The following NAV2 variants were observed in gnomAD, a reference collection of about 807,000 sequenced individuals.
NAV2 encodes the protein helicase, APC down-regulated 1.
Under a neutral mutation model 223.2 loss-of-function variants are expected in NAV2, and 54 were observed. That is an observed-to-expected ratio of 0.24 (90% CI 0.19 to 0.30). NAV2 has a LOEUF of 0.30. Among genes scored for constraint, NAV2 ranks in the 10% least tolerant of loss-of-function variants. The pLI is 1.00. For synonymous variants in NAV2, 1,279 were observed against 1,239.3 expected, an observed-to-expected ratio of 1.03 and a Z score of -0.67; for missense variants, 2,806 against 3,147.5, an observed-to-expected ratio of 0.89 and a Z score of 2.60.
rs527698550 is a variant in NAV2, at chr11:19,826,142, T to A, written c.268-6342T>A. 9.2e-5 allele frequency among the ~76,000 whole-genome samples: 14 copies of A among 152,282 alleles called. No homozygotes were observed. In the South Asian group the frequency reaches 2.9e-3, roughly 32 times the overall value. On this transcript the variant is annotated intron_variant, in intron 1 of 37. Coordinates refer to ENST00000349880, the MANE Select transcript of NAV2 (RefSeq NM_145117.5). The stretch of plus-strand genomic sequence containing the variant: ...GTGAAATGACTTGATGATTTAGAAT[T>A]GGAATTGGGGATGGGATGGTGGTTT...
chr11:19,745,802 G>C (rs2053285289), intron 1 of NAV2, among the ~76,000 whole-genome samples: 1 of 152,152 alleles, frequency 6.6e-6, no homozygotes, highest in South Asian at 2.1e-4. Flanking sequence ...TGATCTGACA[G>C]GCAGAGCTCA....
intron 1 of NAV2, among the ~76,000 whole-genome samples, chr11:19,717,027 G>A (rs1467647513): frequency 5.3e-5 from 8 of 152,132 alleles, no homozygotes; most frequent in South Asian, 2.1e-4. Flanking sequence ...CCATGATATT[G>A]TACAGGGAGA....
intron 1 of NAV2, among the ~76,000 whole-genome samples, chr11:19,378,819 A>G (rs1382369991): frequency 2.0e-5 from 3 of 152,118 alleles, no homozygotes; most frequent in Non-Finnish European, 4.4e-5. Context: ...TGGGTCCACA[A>G]GGCAGGTCAT....
At chr11:20,055,676 G>A in intron 18 of NAV2, 93 bp from the exon 19 acceptor site, 1 of 1,143,254 alleles carries the variant, frequency 8.7e-7, no homozygotes, top group African/African-American at 1.5e-5. Flanking sequence ...AAACACATGT[G>A]GCTAAAAATA....
intron 1 of NAV2, among the ~76,000 whole-genome samples, chr11:19,373,425 A>G (rs1848537675): frequency 6.6e-6 from 1 of 152,094 alleles, no homozygotes; most frequent in African/African-American, 2.4e-5. Flanking sequence ...TGCTCCTTGA[A>G]TCTGCCAACA....
At chr11:19,819,395 G>T (rs555361631) in intron 1 of NAV2, among the ~76,000 whole-genome samples, 1 of 152,186 alleles carries the variant, frequency 6.6e-6, no homozygotes, top group Non-Finnish European at 1.5e-5. Flanking sequence ...AGAGGGCAGC[G>T]TGTGAAAAGG....
chr11:19,861,101 TGGAGAG>T (rs111442576), intron 3 of NAV2, among the ~76,000 whole-genome samples: 74 of 142,882 alleles, frequency 5.2e-4, no homozygotes, highest in Admixed American at 2.0e-3. Context: ...AAACAGATAT[TGGAGAG>T]GGAGAGGGAG....
At chr11:19,569,448 G>C (rs1590557618) in intron 1 of NAV2, among the ~76,000 whole-genome samples, 1 of 152,112 alleles carries the variant, frequency 6.6e-6, no homozygotes, top group East Asian at 1.9e-4. Context: ...AGAGTGTCTA[G>C]CATGTAAGAA....
At chr11:20,038,808 G>T (rs7126504) in intron 12 of NAV2, among the ~76,000 whole-genome samples, 56,392 of 152,028 alleles carry the variant, frequency 0.37, 10,952 homozygotes, top group Non-Finnish European at 0.43. Context: ...GCCTGCCTAG[G>T]TTTTTGCTGT....
intron 1 of NAV2, among the ~76,000 whole-genome samples, chr11:19,584,067 G>C (rs565054087): frequency 3.9e-5 from 6 of 152,140 alleles, no homozygotes; most frequent in Non-Finnish European, 8.8e-5. Context: ...CCTGTTATTG[G>C]TCTATTCAGA....
intron 1 of NAV2, among the ~76,000 whole-genome samples, chr11:19,769,068 A>G (rs1013677209): frequency 2.0e-5 from 3 of 152,242 alleles, no homozygotes; most frequent in African/African-American, 4.8e-5. Flanking sequence ...AAATGGGACC[A>G]TGCCAGCCAT....
At chr11:19,411,654 G>A (rs1044473346) in intron 1 of NAV2, among the ~76,000 whole-genome samples, 6 of 152,164 alleles carry the variant, frequency 3.9e-5, no homozygotes, top group Non-Finnish European at 5.9e-5. Flanking sequence ...GGCCAGAGAT[G>A]TGACTTAACC....
At chr11:19,776,608 G>GTGTGTGT (rs139486266) in intron 1 of NAV2, among the ~76,000 whole-genome samples, 1 of 106,184 alleles carries the variant, frequency 9.4e-6, no homozygotes, top group Non-Finnish European at 2.2e-5. Flanking sequence ...GTGTGTGTGT[G>GTGTGTGT]GTTAGAGTTG....
intron 8 of NAV2, among the ~76,000 whole-genome samples, chr11:19,940,793 A>G (rs1216341173): frequency 1.3e-5 from 2 of 152,216 alleles, no homozygotes; most frequent in East Asian, 1.9e-4. Flanking sequence ...GATGGTGCAG[A>G]GATTCTTCAA....
At chr11:19,919,966 C>G (rs2044140513) in intron 6 of NAV2, among the ~76,000 whole-genome samples, 1 of 152,092 alleles carries the variant, frequency 6.6e-6, no homozygotes, top group East Asian at 1.9e-4. Flanking sequence ...AGACCCCCAT[C>G]TCTACAAAAA....
chr11:19,790,270 A>C (rs1185017131), intron 1 of NAV2, among the ~76,000 whole-genome samples: 1 of 152,196 alleles, frequency 6.6e-6, no homozygotes, highest in African/African-American at 2.4e-5. Context: ...TACTGTTAGA[A>C]CTGCAAGTTT....
chr11:19,764,646 TTTTTC>T (rs1182397825), intron 1 of NAV2, among the ~76,000 whole-genome samples: 38 of 152,202 alleles, frequency 2.5e-4, no homozygotes, highest in Non-Finnish European at 2.2e-4. Flanking sequence ...AGTACATTCT[TTTTTC>T]TTTTCTTTTC....
chr11:19,417,031 C>T (rs868240777), intron 1 of NAV2, among the ~76,000 whole-genome samples: 36 of 152,238 alleles, frequency 2.4e-4, no homozygotes, highest in African/African-American at 7.7e-4. Context: ...AGGATGTAGG[C>T]GTGGGCAAAG....
rs1052024033 is a variant in NAV2, at chr11:19,799,419, G to A, written c.268-33065G>A. ...ACCTGCTAAGAATCAACAACCCTAA[G>A]TGAGTAGACAGAACTACCCAGTGGA... On this transcript the variant is annotated intron_variant, in intron 1 of 37. Transcript: ENST00000349880. Among the ~76,000 whole-genome samples, 5 of 152,282 alleles carry A rather than the reference G, an allele frequency of 3.3e-5. No homozygotes were observed. In the South Asian group the frequency reaches 1.0e-3, roughly 32 times the overall value.
Sources: allele counts gnomAD v4.1 joint callset (sites outside exome capture counted in the v4.1 genomes callset), GRCh38; gene constraint gnomAD v4.1.1; transcripts MANE v1.5; gene names NCBI Gene and HGNC (gene_info 2026-07-23, HGNC 2026-07-21).